Variants in HMGCL observed in about 807,000 individuals in gnomAD.
The protein encoded by HMGCL is hydroxymethylglutaryl-CoA lyase, mitochondrial.
HMGCL carries 26 observed loss-of-function variants against 37.3 expected under a neutral mutation model. The ratio of observed to expected loss-of-function variants is 0.70; its 90% CI spans 0.51 to 0.97. HMGCL has a LOEUF of 0.97. HMGCL is among the 50% of genes least tolerant of loss of function. The probability of loss-of-function intolerance (pLI) is 0.00; values close to 1 mark genes in which losing one functional copy is unlikely to be tolerated. For synonymous variants in HMGCL, 151 were observed against 148.0 expected (o/e 1.02, Z -0.15); for missense variants, 379 against 398.1 (o/e 0.95, Z 0.41).
At chr1:23,821,059 A>T (rs1007570098) in intron 1 of HMGCL, among the ~76,000 whole-genome samples, 9 of 152,216 alleles carry the variant, frequency 5.9e-5, no homozygotes, top group Admixed American at 1.3e-4. Flanking sequence ...GAAGTAGTTT[A>T]AAAAGGCCAG....
At chr1:23,804,694 C>T (rs1638369554) in intron 7 of HMGCL, among the ~76,000 whole-genome samples, 169 bp from the exon 8 acceptor site, 1 of 152,174 alleles carries the variant, frequency 6.6e-6, no homozygotes, top group Admixed American at 6.5e-5. Flanking sequence ...CAGTGCTTCT[C>T]CTTTTAGTTT....
chr1:23,808,186 GTGGACAGCC>G lies in HMGCL; in HGVS notation c.690_698del (p.Ala231_His233del), dbSNP rs1638447240. The G allele has an allele frequency of 6.2e-7, 1 of 1,614,052 alleles. No individual in the cohort carries two copies. The highest frequency in any genetic ancestry group is 1.3e-5 in the African/African-American group (1 of 74,938). On this transcript the variant is annotated inframe_deletion, in exon 7 of 9. Transcript: ENST00000374490. ...GGGCTTGACCATAGGTGTCATGGCA[GTGGACAGCC>G]AGGGCAGCCAGAGGCACTTCCTGCA... is the stretch of plus-strand genomic sequence containing the variant.
At chr1:23,804,280 C>G (rs1638357786) in intron 8 of HMGCL, 120 bp downstream of exon 8, 1 of 1,272,342 alleles carries the variant, frequency 7.9e-7, no homozygotes, top group Non-Finnish European at 1.1e-6. Context: ...CTGGCTAACC[C>G]TTTCCCTCTT....
chr1:23,809,142 G>A (rs1335897481), intron 6 of HMGCL: 1 of 150,012 alleles, frequency 6.7e-6, no homozygotes, highest in African/African-American at 2.5e-5. Context: ...CTGACCTCAG[G>A]TGATCCACAT....
At chr1:23,802,630 G>C (rs1328312783) in intron 8 of HMGCL, 66 bp from the exon 9 acceptor site, 1 of 1,015,480 alleles carries the variant, frequency 9.8e-7, no homozygotes, top group Non-Finnish European at 1.6e-6. Flanking sequence ...GAAAACATCA[G>C]CATGGACAGA....
At chr1:23,823,680 C>T (rs1278914012) in intron 1 of HMGCL, among the ~76,000 whole-genome samples, 2 of 151,994 alleles carry the variant, frequency 1.3e-5, no homozygotes, top group Non-Finnish European at 2.9e-5. Context: ...CCCATACTGT[C>T]CTCTCAACAA....
chr1:23,814,119 C>T (rs1260249061), intron 5 of HMGCL, 71 bp downstream of exon 5: 1 of 1,551,282 alleles, frequency 6.4e-7, no homozygotes. Flanking sequence ...GGCAGGAGGA[C>T]CACTTGAGTC....
chr1:23,810,725 CAT>C lies in HMGCL; in HGVS notation c.561+9_561+10del, dbSNP rs1474926146. The C allele has an allele frequency of 8.7e-6, 14 of 1,613,672 alleles. No individual in the cohort carries two copies. The highest frequency in any genetic ancestry group is 1.2e-5 in the Non-Finnish European group (14 of 1,179,636). On this transcript the variant is annotated intron_variant, in intron 6 of 8. Coordinates refer to ENST00000374490, the MANE Select transcript of HMGCL (RefSeq NM_000191.3). The stretch of plus-strand genomic sequence containing the variant: ...CCTCACCAAACCCCCCGCCCTGACA[CAT>C]GCACACACCTCAGCTACTTTAGCTG...
chr1:23,813,274 A>G (rs2148421949), intron 5 of HMGCL, among the ~76,000 whole-genome samples: 1 of 118,820 alleles, frequency 8.4e-6, no homozygotes, highest in Admixed American at 1.2e-4. Context: ...TTGCTCTGTC[A>G]CCCAGGCCGG....
Position 23,810,783 on chromosome 1 carries a change from G to T in HMGCL, c.514C>A (p.Leu172Ile). 1 of 1,613,978 alleles carries T rather than the reference G, an allele frequency of 6.2e-7. No individual in the cohort carries two copies. Among genetic ancestry groups the T allele is most frequent in the Non-Finnish European group, 8.5e-7 (1 of 1,179,894 alleles). Residue 172 changes from leucine (L) to isoleucine (I), a missense_variant, in exon 6 of 9, where the codon CTT becomes ATT. Physicochemically the swap from Leu to Ile is conservative, Grantham distance 5 (BLOSUM62 2). Transcript: ENST00000374490. ...ATCTTCCCTTCATAAGGGCAGCCAA[G>T]AGCACAGGAGACGTACCTGTGGGAA... ...ISVRGYVSCA[L>I]GCPYEGKISP...
intron 4 of HMGCL, among the ~76,000 whole-genome samples, chr1:23,815,920 T>C (rs1321237709): frequency 6.6e-6 from 1 of 151,472 alleles, no homozygotes; most frequent in African/African-American, 2.4e-5. Flanking sequence ...GAAGTCACTC[T>C]TGAGAAAAAG....
At chr1:23,809,462 T>C (rs1373272705) in intron 6 of HMGCL, 2 of 151,530 alleles carry the variant, frequency 1.3e-5, no homozygotes. Context: ...ATGGTCTCGA[T>C]CTCCTGACCT....
chr1:23,806,442 G>T lies in HMGCL; in HGVS notation c.750+1693C>A, dbSNP rs910171593. On this transcript the variant is annotated intron_variant, in intron 7 of 8. Transcript: ENST00000374490. The surrounding 1 kb of genome is among the most constrained non-coding windows in gnomAD (Gnocchi z 4.0). ...CTGCTCCCGCCACATGCCTCCTCCT[G>T]ATCCCTGAACACAGCAAGCACACTC... Among the ~76,000 whole-genome samples, 2 of 152,088 alleles carry T rather than the reference G, an allele frequency of 1.3e-5. No individual in the cohort carries two copies. Among genetic ancestry groups the T allele is most frequent in the East Asian group, 3.9e-4 (2 of 5,188 alleles).
intron 5 of HMGCL, among the ~76,000 whole-genome samples, chr1:23,812,337 G>A (rs1220893396): frequency 1.3e-5 from 2 of 152,172 alleles, no homozygotes; most frequent in East Asian, 1.9e-4. Flanking sequence ...AGTTATCCCC[G>A]AGAAGCATGA....
chr1:23,815,844 T>C (rs1016752809), intron 4 of HMGCL, among the ~76,000 whole-genome samples: 24 of 151,466 alleles, frequency 1.6e-4, no homozygotes, highest in African/African-American at 5.3e-4. Flanking sequence ...GTAATTTCTC[T>C]TAATTAAAAA....
At chr1:23,820,744 A>G (rs1638703386) in intron 1 of HMGCL, 151 bp from the exon 2 acceptor site, 1 of 690,482 alleles carries the variant, frequency 1.4e-6, no homozygotes, top group Admixed American at 2.3e-5. Context: ...CTATTTTAGA[A>G]TTAAGAACAA....
rs139799938 is a variant in HMGCL, at chr1:23,808,291, G to C, written c.594C>G (p.Tyr198Ter). The C allele has an allele frequency of 6.2e-7, 1 of 1,614,070 alleles. No individual in the cohort carries two copies. Among genetic ancestry groups the C allele is most frequent in the Non-Finnish European group, 8.5e-7 (1 of 1,179,978 alleles). The change falls in exon 7 of 9, where the codon TAC becomes TAG. Residue 198 changes from tyrosine (Y) to a stop codon, truncating the protein, a stop_gained. Transcript: ENST00000374490. LOFTEE classifies it high-confidence loss of function. ...CAATGGTGTCCCCCAGGGAGATCTC[G>C]TAGCAGCCCATTGAGTAGAACTTCT... is the stretch of plus-strand genomic sequence containing the variant. ...VTKKFYSMGC[Y>*]EISLGDTIGV...
At chr1:23,810,847 G>C (rs747443915) in intron 5 of HMGCL, 48 bp from the exon 6 acceptor site, 29 of 1,523,386 alleles carry the variant, frequency 1.9e-5, no homozygotes, top group Non-Finnish European at 2.5e-5. Flanking sequence ...GAGCTTTTTG[G>C]CTAGCAGAAC....
chr1:23,811,816 G>A (rs546390993), intron 5 of HMGCL, among the ~76,000 whole-genome samples: 1 of 152,132 alleles, frequency 6.6e-6, no homozygotes, highest in Non-Finnish European at 1.5e-5. Context: ...GCCCTTTTGG[G>A]AGCTGTCTTT....
Sources: allele counts gnomAD v4.1 joint callset (sites outside exome capture counted in the v4.1 genomes callset), GRCh38; gene constraint gnomAD v4.1.1; non-coding constraint Gnocchi (gnomAD v3.1); transcripts MANE v1.5; gene names NCBI Gene and HGNC (gene_info 2026-07-23, HGNC 2026-07-21).